Variants in SENP2 observed in about 807,000 individuals in gnomAD.
SENP2 encodes sentrin-specific protease 2.
Under a neutral mutation model 86.3 loss-of-function variants are expected in SENP2, and 16 were observed. The ratio of observed to expected loss-of-function variants is 0.19; its 90% CI spans 0.13 to 0.28. SENP2 has a LOEUF of 0.28. Among genes scored for constraint, SENP2 ranks in the 10% least tolerant of loss-of-function variants. The pLI is 1.00. For missense variants in SENP2, 552 were observed against 703.0 expected (o/e 0.79, Z 2.43); for synonymous variants, 222 against 238.7 (o/e 0.93, Z 0.64).
At chr3:185,591,575 T>TCTCCTGACTTCGTGATCCACCTGC (rs1721999371) in intron 2 of SENP2, among the ~76,000 whole-genome samples, 1 of 151,848 alleles carries the variant, frequency 6.6e-6, no homozygotes, top group Admixed American at 6.6e-5. Context: ...ATAGTCTCAG[T>TCTCCTGACTTCGTGATCCACCTGC]CTCCTGACTT....
intron 2 of SENP2, among the ~76,000 whole-genome samples, chr3:185,591,798 A>G (rs1722006876): frequency 6.7e-6 from 1 of 150,294 alleles, no homozygotes; most frequent in East Asian, 2.0e-4. Context: ...TGGCATAATC[A>G]TGGCTCACTG....
At chr3:185,593,226 G>A (rs1256851829) in intron 2 of SENP2, among the ~76,000 whole-genome samples, 1 of 151,772 alleles carries the variant, frequency 6.6e-6, no homozygotes, top group Non-Finnish European at 1.5e-5. Flanking sequence ...AGAGCTCAGG[G>A]AAAAAAAATG....
intron 6 of SENP2, among the ~76,000 whole-genome samples, chr3:185,607,522 T>C (rs187675410): frequency 6.6e-6 from 1 of 151,362 alleles, no homozygotes; most frequent in African/African-American, 2.4e-5. Flanking sequence ...TAGAGATGAG[T>C]TTTCACCACG....
At chr3:185,617,644 A>T in intron 12 of SENP2, 33 bp downstream of exon 12, 1 of 1,592,330 alleles carries the variant, frequency 6.3e-7, no homozygotes, top group South Asian at 1.1e-5. Flanking sequence ...TTTGGCTATC[A>T]TTAAGTTTAT....
At chr3:185,588,766 TTGTC>T (rs1207143935) in intron 1 of SENP2, among the ~76,000 whole-genome samples, 3 of 152,188 alleles carry the variant, frequency 2.0e-5, no homozygotes, top group East Asian at 3.8e-4. Context: ...AGGGTAGTAT[TTGTC>T]TGTCCTACTC....
chr3:185,599,661 G>A (rs923970993), intron 4 of SENP2, among the ~76,000 whole-genome samples: 1 of 152,076 alleles, frequency 6.6e-6, no homozygotes, highest in African/African-American at 2.4e-5. Context: ...AAAAGTGGAA[G>A]AAGATAAGGA....
intron 6 of SENP2, among the ~76,000 whole-genome samples, chr3:185,608,723 CAG>C (rs973092703): frequency 4.6e-5 from 7 of 152,122 alleles, no homozygotes; most frequent in South Asian, 2.1e-4. Context: ...CCAGTGGAGA[CAG>C]AGAAAAAAGA....
intron 6 of SENP2, among the ~76,000 whole-genome samples, chr3:185,607,037 A>G (rs1386342169): frequency 6.6e-6 from 1 of 150,394 alleles, no homozygotes; most frequent in African/African-American, 2.4e-5. Flanking sequence ...GCTGGAGTGC[A>G]GTGGTGCCGT....
chr3:185,612,304 T>G (rs1722725943), intron 8 of SENP2: 1 of 240,376 alleles, frequency 4.2e-6, no homozygotes, highest in Admixed American at 5.0e-5. Flanking sequence ...TGAGCTGAAA[T>G]TTTATTATAT....
intron 2 of SENP2, among the ~76,000 whole-genome samples, chr3:185,594,620 CTTTT>C (rs11317593): frequency 3.6e-5 from 5 of 137,372 alleles, no homozygotes; most frequent in Non-Finnish European, 1.6e-5. Context: ...GGCTCATGAT[CTTTT>C]TTTTTTTTTT....
At chr3:185,588,050 A>ATTTTT (rs1196425963) in intron 1 of SENP2, among the ~76,000 whole-genome samples, 768 of 64,774 alleles carry the variant, frequency 0.012, 85 homozygotes, top group African/African-American at 0.046. Context: ...CTACCGGCTA[A>ATTTTT]TTTTTTTTTT....
At chr3:185,612,764 G>A (rs1157615364) in intron 9 of SENP2, 106 bp downstream of exon 9, 1 of 782,472 alleles carries the variant, frequency 1.3e-6, no homozygotes, top group Non-Finnish European at 2.1e-6. Context: ...ACTCTCTTGA[G>A]TTCTGGTAGT....
chr3:185,599,110 C>A, intron 4 of SENP2, 86 bp downstream of exon 4: 1 of 955,404 alleles, frequency 1.0e-6, no homozygotes, highest in Non-Finnish European at 1.7e-6. Flanking sequence ...AAGGAAAACA[C>A]TGATTTGAAT....
intron 16 of SENP2, among the ~76,000 whole-genome samples, chr3:185,629,518 C>T (rs1712316109): frequency 6.7e-6 from 1 of 150,256 alleles, no homozygotes; most frequent in African/African-American, 2.5e-5. Flanking sequence ...GCAGAGGTTG[C>T]AGTGAGCAGA....
chr3:185,598,920 A>G (rs775987335), intron 3 of SENP2, 38 bp from the exon 4 acceptor site: 3 of 1,534,764 alleles, frequency 2.0e-6, no homozygotes, highest in Non-Finnish European at 2.7e-6. Flanking sequence ...AGGTGACAAA[A>G]TTTAGATGCT....
intron 7 of SENP2, 102 bp downstream of exon 7, chr3:185,609,452 C>A: frequency 1.3e-6 from 1 of 775,830 alleles, no homozygotes; most frequent in Non-Finnish European, 2.2e-6. Context: ...AAGAGGTTAA[C>A]CCTGAGAGAA....
At chr3:185,595,142 A>G (rs761356247) in intron 2 of SENP2, among the ~76,000 whole-genome samples, 1 of 152,200 alleles carries the variant, frequency 6.6e-6, no homozygotes, top group Non-Finnish European at 1.5e-5. Context: ...TTTTTTAAAA[A>G]AATCAGTGAG....
intron 6 of SENP2, 161 bp downstream of exon 6, chr3:185,606,659 CA>C: frequency 3.2e-6 from 2 of 619,104 alleles, no homozygotes; most frequent in Non-Finnish European, 5.5e-6. Flanking sequence ...CCAGATGCAC[CA>C]AAAATCTGCA....
rs1253352258 is a variant in SENP2 at position 185,612,654 on chromosome 3, A to G, written c.865A>G (p.Lys289Glu). 6.2e-7 allele frequency: 1 copy of G among 1,601,716 alleles called. No homozygotes were observed. The highest frequency in any genetic ancestry group is 8.6e-7 in the Non-Finnish European group (1 of 1,168,922). Residue 289 changes from lysine to glutamate, a missense_variant, in exon 9 of 17, where the codon AAG becomes GAG. By Grantham distance (56) the Lys-to-Glu change is moderately conservative. Transcript: ENST00000296257. ...RGPLCSLRSE[K>E]RCSKGKITDT... ...ACCTCTATGTTCATTGAGAAGTGAA[A>G]AGAGGTACGTACATTCAGTTCATTC...
Sources: gnomAD v4.1 joint callset for allele counts (sites outside exome capture counted in the v4.1 genomes callset) on GRCh38, gnomAD v4.1.1 for gene constraint, MANE v1.5 for transcripts, NCBI Gene and HGNC (gene_info 2026-07-23, HGNC 2026-07-21) for gene names.